HS3ST4: variants seen among roughly 807,000 people sequenced by gnomAD.
HS3ST4 encodes heparan sulfate-glucosamine 3-sulfotransferase 4, also known as heparan sulfate glucosamine 3-O-sulfotransferase 4.
In HS3ST4, 17 loss-of-function variants were observed where a neutral mutation model predicts 29.2. The observed-to-expected ratio is 0.58, with a 90% CI of 0.40 to 0.87. The LOEUF (loss-of-function observed/expected upper bound fraction) is 0.87, where lower values mean the gene tolerates loss of function less well. HS3ST4 is among the 40% of genes least tolerant of loss of function. The pLI is 0.00. For missense variants in HS3ST4, 627 were observed against 634.5 expected, an observed-to-expected ratio of 0.99 and a Z score of 0.13; for synonymous variants, 314 against 285.7, an observed-to-expected ratio of 1.10 and a Z score of -1.00.
At chr16:25,932,957 C>T (rs1256706147) in intron 1 of HS3ST4, among the ~76,000 whole-genome samples, 1 of 152,206 alleles carries the variant, frequency 6.6e-6, no homozygotes, top group Non-Finnish European at 1.5e-5. Context: ...TTTTCAATTC[C>T]TCCCTCCTTT....
At chr16:25,800,050 C>G (rs985083530) in intron 1 of HS3ST4, among the ~76,000 whole-genome samples, 29 of 137,586 alleles carry the variant, frequency 2.1e-4, no homozygotes, top group Middle Eastern at 4.0e-3. Context: ...TCCTTCCTTC[C>G]TTCTTGCCTT....
At chr16:25,790,845 C>T (rs117390869) in intron 1 of HS3ST4, among the ~76,000 whole-genome samples, 47 of 152,098 alleles carry the variant, frequency 3.1e-4, no homozygotes, top group African/African-American at 8.7e-4. Context: ...TAGTCTGTGC[C>T]GATGTTTTTT....
At chr16:25,711,043 G>A (rs111891599) in intron 1 of HS3ST4, among the ~76,000 whole-genome samples, 5,578 of 151,686 alleles carry the variant, frequency 0.037, 158 homozygotes, top group Non-Finnish European at 0.053. Flanking sequence ...GGCTGGTCTC[G>A]AACTCCTGGC....
At chr16:25,927,707 C>T (rs1313192042) in intron 1 of HS3ST4, among the ~76,000 whole-genome samples, 41 of 149,904 alleles carry the variant, frequency 2.7e-4, no homozygotes, top group African/African-American at 9.1e-4. Flanking sequence ...TTTTTTTTTT[C>T]CCCGATTTTT....
chr16:25,711,185 T>C (rs1398415127), intron 1 of HS3ST4, among the ~76,000 whole-genome samples: 1 of 152,038 alleles, frequency 6.6e-6, no homozygotes, highest in African/African-American at 2.4e-5. Context: ...ACTTTGGCGA[T>C]GTCTACTTAC....
At chr16:26,061,066 C>T (rs1390577462) in intron 1 of HS3ST4, among the ~76,000 whole-genome samples, 2 of 152,316 alleles carry the variant, frequency 1.3e-5, no homozygotes, top group African/African-American at 4.8e-5. Flanking sequence ...TTCTCTATTA[C>T]TGCTTTCTGA....
chr16:25,857,403 G>T (rs1404064591), intron 1 of HS3ST4, among the ~76,000 whole-genome samples: 1 of 152,140 alleles, frequency 6.6e-6, no homozygotes, highest in Non-Finnish European at 1.5e-5. Flanking sequence ...GTGATGGGTT[G>T]TCTAAGGTCT....
intron 1 of HS3ST4, among the ~76,000 whole-genome samples, chr16:25,977,195 G>A (rs887847317): frequency 1.3e-5 from 2 of 152,062 alleles, no homozygotes; most frequent in African/African-American, 4.8e-5. Flanking sequence ...TTTAAAATGA[G>A]GACTAATTCT....
At chr16:26,032,126 G>T (rs1301867932) in intron 1 of HS3ST4, among the ~76,000 whole-genome samples, 1 of 152,218 alleles carries the variant, frequency 6.6e-6, no homozygotes, top group Non-Finnish European at 1.5e-5. Flanking sequence ...ATGACTAGGG[G>T]TCAGGTCCCA....
At position 25,902,378 on chromosome 16, in the gene HS3ST4, C is replaced by A. The variant is rs117248521; in HGVS notation, c.734+209227C>A. Among the ~76,000 whole-genome samples the A allele has an allele frequency of 7.3e-4, 111 of 152,142 alleles. 1 individual carries two copies. In the East Asian group the frequency reaches 0.02, roughly 28 times the overall value. ...GGGTGTGGTGGTGCACATCTGTGGT[C>A]TCAGCTACTCTGGAGGCTGAGGTGG... On this transcript the variant is annotated intron_variant, in intron 1 of 1. Transcript: ENST00000331351.
At chr16:25,829,160 C>A (rs1478106619) in intron 1 of HS3ST4, among the ~76,000 whole-genome samples, 1 of 152,216 alleles carries the variant, frequency 6.6e-6, no homozygotes, top group Middle Eastern at 3.2e-3. Flanking sequence ...TTGTTACCTA[C>A]TTAGGCACAG....
At chr16:25,894,008 T>G (rs1213697421) in intron 1 of HS3ST4, among the ~76,000 whole-genome samples, 1 of 152,202 alleles carries the variant, frequency 6.6e-6, no homozygotes, top group African/African-American at 2.4e-5. Flanking sequence ...ACCTGTGTGG[T>G]CCTTGTACTA....
chr16:26,013,592 A>G (rs1208514593), intron 1 of HS3ST4, among the ~76,000 whole-genome samples: 1 of 152,212 alleles, frequency 6.6e-6, no homozygotes, highest in African/African-American at 2.4e-5. Context: ...CATAGGCTTC[A>G]TTTCATTTAA....
chr16:26,059,175 A>C (rs1898445625), intron 1 of HS3ST4, among the ~76,000 whole-genome samples: 1 of 152,166 alleles, frequency 6.6e-6, no homozygotes, highest in South Asian at 2.1e-4. Flanking sequence ...AGTGGAGGCG[A>C]GGGAGAGGTC....
At chr16:26,052,352 T>C (rs1183313725) in intron 1 of HS3ST4, among the ~76,000 whole-genome samples, 1 of 152,186 alleles carries the variant, frequency 6.6e-6, no homozygotes, top group African/African-American at 2.4e-5. Context: ...GTAAAAAAGT[T>C]ATTCTTATTA....
At chr16:26,132,111 A>G (rs1376404626) in intron 1 of HS3ST4, among the ~76,000 whole-genome samples, 2 of 152,092 alleles carry the variant, frequency 1.3e-5, no homozygotes. Flanking sequence ...CAGCTGTGGG[A>G]GCTAGACTGG....
chr16:25,986,059 A>G (rs1196350398), intron 1 of HS3ST4, among the ~76,000 whole-genome samples: 1 of 152,092 alleles, frequency 6.6e-6, no homozygotes, highest in African/African-American at 2.4e-5. Flanking sequence ...TTTTTCATAA[A>G]TTCTACCCAT....
At chr16:25,927,995 T>TAGAG (rs1968423504) in intron 1 of HS3ST4, among the ~76,000 whole-genome samples, 1 of 124,936 alleles carries the variant, frequency 8.0e-6, no homozygotes, top group Admixed American at 1.1e-4. Context: ...GGACAGGAGT[T>TAGAG]AGAGACAAGC....
In HS3ST4 at chr16:26,124,624, C is replaced by G. The variant is rs533430461; in HGVS notation, c.735-10988C>G. The stretch of plus-strand genomic sequence containing the variant: ...TGTTCTCATGAGGTATTCAGACATG[C>G]CTGTGACCCCTACACACTCTTCTGA... On this transcript the variant is annotated intron_variant, in intron 1 of 1. Transcript: ENST00000331351. 4.6e-5 allele frequency among the ~76,000 whole-genome samples: 7 copies of G among 152,292 alleles called. No homozygotes were observed. In the South Asian group the frequency reaches 1.5e-3, roughly 32 times the overall value.
Sources: allele counts gnomAD v4.1 joint callset (sites outside exome capture counted in the v4.1 genomes callset), GRCh38; gene constraint gnomAD v4.1.1; transcripts MANE v1.5; gene names NCBI Gene and HGNC (gene_info 2026-07-23, HGNC 2026-07-21).